The following FHOD3 variants were observed in gnomAD, a reference collection of about 807,000 sequenced individuals.
FHOD3 encodes the protein formin homology 2 domain containing 3, also known as FH1/FH2 domain-containing protein 3.
Under a neutral mutation model 173.0 loss-of-function variants are expected in FHOD3, and 90 were observed. That is an observed-to-expected ratio of 0.52 (90% CI 0.44 to 0.62). The LOEUF (loss-of-function observed/expected upper bound fraction) is 0.62, where lower values mean the gene tolerates loss of function less well. FHOD3 is among the 20% of genes least tolerant of loss of function. The pLI, the probability that FHOD3 is intolerant of heterozygous loss-of-function variation, is 0.00. For missense variants in FHOD3, 1,945 were observed against 2,034.7 expected, an observed-to-expected ratio of 0.96 and a Z score of 0.85; for synonymous variants, 828 against 823.0, an observed-to-expected ratio of 1.01 and a Z score of -0.10.
intron 20 of FHOD3, among the ~76,000 whole-genome samples, chr18:36,734,318 G>T (rs572969950): frequency 1.3e-5 from 2 of 152,196 alleles, no homozygotes. Context: ...AGGCTGTCCT[G>T]TGCATTATAG....
intron 3 of FHOD3, among the ~76,000 whole-genome samples, chr18:36,465,841 A>G (rs1469970456): frequency 6.6e-6 from 1 of 151,990 alleles, no homozygotes; most frequent in African/African-American, 2.4e-5. Context: ...TCCTTCTCTA[A>G]TCTAAATCCT....
In FHOD3 at chr18:36,310,317, T is replaced by C. The variant is rs567893503; in HGVS notation, c.165+12317T>C. ...CTGGGGAAGTAAGGCATAAACATAATGCAAAGTGAAGTAACAACTGAAGGC... is the reference window on the plus strand; with the variant it reads ...CTGGGGAAGTAAGGCATAAACATAACGCAAAGTGAAGTAACAACTGAAGGC... On this transcript the variant is annotated intron_variant, in intron 1 of 28. Transcript: ENST00000590592. Among the ~76,000 whole-genome samples the C allele has an allele frequency of 3.9e-5, 6 of 152,270 alleles. No homozygotes were observed. The East Asian group carries it at 9.6e-4, about 24-fold the overall frequency.
At chr18:36,482,749 A>G (rs899487718) in intron 3 of FHOD3, among the ~76,000 whole-genome samples, 2 of 151,820 alleles carry the variant, frequency 1.3e-5, no homozygotes, top group African/African-American at 4.8e-5. Flanking sequence ...TTTCTTTCAC[A>G]CTTCATGGAG....
intron 8 of FHOD3, among the ~76,000 whole-genome samples, chr18:36,607,239 T>C (rs2148556038): frequency 6.6e-6 from 1 of 152,324 alleles, no homozygotes. Flanking sequence ...CCACGGCTCT[T>C]GTATTTTCCA....
chr18:36,438,195 A>G (rs540907058), intron 3 of FHOD3, among the ~76,000 whole-genome samples: 3 of 152,124 alleles, frequency 2.0e-5, no homozygotes, highest in Admixed American at 6.5e-5. Context: ...GCTGGCTAGC[A>G]TGGTGGTTGT....
At chr18:36,336,848 CAAAAAA>C (rs36099993) in intron 1 of FHOD3, among the ~76,000 whole-genome samples, 305 of 35,794 alleles carry the variant, frequency 8.5e-3, no homozygotes, top group Non-Finnish European at 1.0e-2. Flanking sequence ...AACTCCGTCT[CAAAAAA>C]AAAAAAAAAA....
At chr18:36,640,970 C>T (rs1008123201) in intron 10 of FHOD3, among the ~76,000 whole-genome samples, 15 of 152,278 alleles carry the variant, frequency 9.9e-5, no homozygotes, top group Admixed American at 3.9e-4. Context: ...TACTGGCAAC[C>T]TGTTTGGTCT....
intron 18 of FHOD3, among the ~76,000 whole-genome samples, chr18:36,715,618 C>T (rs8097423): frequency 0.22 from 33,133 of 152,054 alleles, 4,302 homozygotes; most frequent in African/African-American, 0.36. Flanking sequence ...CCTGTTCTCA[C>T]AGAGTTTACA....
chr18:36,705,571 A>AC (rs1430607703), intron 17 of FHOD3, among the ~76,000 whole-genome samples: 2 of 152,078 alleles, frequency 1.3e-5, no homozygotes, highest in African/African-American at 4.8e-5. Flanking sequence ...GAGCTCACTC[A>AC]CTTTTGCCAC....
chr18:36,492,340 T>C (rs550673337), intron 3 of FHOD3, among the ~76,000 whole-genome samples: 1 of 152,198 alleles, frequency 6.6e-6, no homozygotes, highest in East Asian at 1.9e-4. Flanking sequence ...CATCACCTTC[T>C]CACATGACAT....
At chr18:36,620,984 A>G (rs1055025063) in intron 9 of FHOD3, among the ~76,000 whole-genome samples, 1 of 152,234 alleles carries the variant, frequency 6.6e-6, no homozygotes, top group African/African-American at 2.4e-5. Flanking sequence ...CTAATAGAGA[A>G]GGACATCTGG....
chr18:36,694,880 T>C (rs1346330867), intron 17 of FHOD3, among the ~76,000 whole-genome samples: 1 of 152,202 alleles, frequency 6.6e-6, no homozygotes, highest in Admixed American at 6.5e-5. Flanking sequence ...ACGTATTTGA[T>C]TGAATTACAG....
At chr18:36,435,322 G>A (rs757582394) in intron 3 of FHOD3, among the ~76,000 whole-genome samples, 29 of 152,090 alleles carry the variant, frequency 1.9e-4, no homozygotes, top group Non-Finnish European at 4.0e-4. Context: ...TGCTAATGAA[G>A]GGAGAAGACC....
At chr18:36,728,614 A>T (rs938100829) in intron 19 of FHOD3, among the ~76,000 whole-genome samples, 3 of 151,616 alleles carry the variant, frequency 2.0e-5, no homozygotes, top group African/African-American at 7.3e-5. Context: ...TTAAATGAAG[A>T]AGTTTGAGTT....
intron 5 of FHOD3, among the ~76,000 whole-genome samples, chr18:36,535,227 T>A (rs1482770568): frequency 6.6e-6 from 1 of 151,790 alleles, no homozygotes; most frequent in Non-Finnish European, 1.5e-5. Flanking sequence ...TCTCTAAGAG[T>A]GAAAATAGCA....
intron 1 of FHOD3, among the ~76,000 whole-genome samples, chr18:36,313,654 T>C (rs933327509): frequency 1.3e-5 from 2 of 152,214 alleles, no homozygotes; most frequent in African/African-American, 4.8e-5. Context: ...TATCCCACAG[T>C]TTGTTCATCC....
chr18:36,355,686 C>T (rs1490127377), intron 2 of FHOD3, 41 bp downstream of exon 2: 7 of 1,534,812 alleles, frequency 4.6e-6, no homozygotes, highest in South Asian at 2.2e-5. Flanking sequence ...TCCCCACCTA[C>T]CAGGAAATGG....
At chr18:36,377,261 T>G (rs1195864728) in intron 3 of FHOD3, among the ~76,000 whole-genome samples, 1 of 152,178 alleles carries the variant, frequency 6.6e-6, no homozygotes, top group Non-Finnish European at 1.5e-5. Flanking sequence ...CTCTCCCACT[T>G]CACTGTGTTT....
At chr18:36,312,534 A>G (rs1002656383) in intron 1 of FHOD3, among the ~76,000 whole-genome samples, 2 of 152,150 alleles carry the variant, frequency 1.3e-5, no homozygotes, top group African/African-American at 4.8e-5. Context: ...ATACTGCCTC[A>G]GCGAGGAGCA....
Sources: gnomAD v4.1 joint callset for allele counts (sites outside exome capture counted in the v4.1 genomes callset) on GRCh38, gnomAD v4.1.1 for gene constraint, MANE v1.5 for transcripts, NCBI Gene and HGNC (gene_info 2026-07-23, HGNC 2026-07-21) for gene names.